The following C12orf42 variants were observed in gnomAD, a reference collection of about 807,000 sequenced individuals.
C12orf42 encodes uncharacterized protein C12orf42.
Under a neutral mutation model 21.6 loss-of-function variants are expected in C12orf42, and 25 were observed. That is an observed-to-expected ratio of 1.16 (90% CI 0.84 to 1.62). The LOEUF is 1.62. Among genes scored for constraint, C12orf42 ranks in the 40% most tolerant of loss-of-function variants. The pLI, the probability that C12orf42 is intolerant of heterozygous loss-of-function variation, is 0.00. For missense variants in C12orf42, 483 were observed against 459.3 expected, an observed-to-expected ratio of 1.05 and a Z score of -0.47; for synonymous variants, 174 against 175.0, an observed-to-expected ratio of 0.99 and a Z score of 0.05.
chr12:103,441,088 C>A (rs1951209148), intron 2 of C12orf42, among the ~76,000 whole-genome samples: 1 of 152,120 alleles, frequency 6.6e-6, no homozygotes, highest in Non-Finnish European at 1.5e-5. Context: ...TTGATAAGCA[C>A]CAACTTTACT....
chr12:103,457,859 A>G (rs1952417045), intron 2 of C12orf42, among the ~76,000 whole-genome samples: 1 of 152,162 alleles, frequency 6.6e-6, no homozygotes, highest in Non-Finnish European at 1.5e-5. Context: ...TAAAATTAAA[A>G]ACTTCACATT....
At chr12:103,311,197 C>CGTGT (rs143631316) in intron 4 of C12orf42, among the ~76,000 whole-genome samples, 10 of 150,746 alleles carry the variant, frequency 6.6e-5, no homozygotes, top group Non-Finnish European at 1.3e-4. Flanking sequence ...TATGCATGTG[C>CGTGT]GTGTGTGTGT....
At chr12:103,129,379 G>A in the C12orf42 span, among the ~76,000 whole-genome samples, 17 of 152,146 alleles carry the variant, frequency 1.1e-4, no homozygotes, top group Non-Finnish European at 1.9e-4. Flanking sequence ...CTTGCCCAGA[G>A]CTGAGTTAGG....
downstream of C12orf42, among the ~76,000 whole-genome samples, chr12:103,297,756 A>G (rs1345897121): frequency 1.3e-5 from 2 of 151,204 alleles, no homozygotes; most frequent in African/African-American, 4.9e-5. Context: ...CTTATCCACC[A>G]AGATCAAGCG....
the C12orf42 span, among the ~76,000 whole-genome samples, chr12:103,080,545 C>T: frequency 3.3e-5 from 5 of 152,264 alleles, no homozygotes; most frequent in African/African-American, 1.2e-4. Context: ...TATCCAGCAC[C>T]TGACTAAATG....
At chr12:103,412,705 C>T (rs577256000) in intron 2 of C12orf42, among the ~76,000 whole-genome samples, 315 of 152,278 alleles carry the variant, frequency 2.1e-3, no homozygotes, top group Middle Eastern at 6.8e-3. Context: ...ATTTGCATTT[C>T]TCTGATGATT....
the C12orf42 span, among the ~76,000 whole-genome samples, chr12:103,147,100 A>C: frequency 1.3e-5 from 2 of 152,200 alleles, no homozygotes; most frequent in Non-Finnish European, 2.9e-5. Context: ...AGATACATTC[A>C]CGTATAGAAG....
At position 103,371,471 on chromosome 12, in the gene C12orf42, TTTTTTGCTGCTAGCA is replaced by T. The variant is rs141051901; in HGVS notation, c.148-2488_148-2474del. On this transcript the variant is annotated intron_variant, in intron 3 of 5. Coordinates refer to ENST00000548883, the MANE Select transcript of C12orf42 (RefSeq NM_198521.5). ...GTCAGAAACCCCTTCTTTATAAGAC[TTTTTTGCTGCTAGCA>T]TTTTCTTTCTTTATATTTGCTTGAT... Among the ~76,000 whole-genome samples the T allele has an allele frequency of 0.013, 1,968 of 152,248 alleles. 128 individuals are homozygous for T. The East Asian group carries it at 0.22, about 17-fold the overall frequency.
chr12:103,476,463 G>T (rs1954059352), intron 2 of C12orf42, among the ~76,000 whole-genome samples: 1 of 152,180 alleles, frequency 6.6e-6, no homozygotes, highest in Non-Finnish European at 1.5e-5. Flanking sequence ...GCTTGATATG[G>T]ATTACGTGTT....
the C12orf42 span, among the ~76,000 whole-genome samples, chr12:103,560,775 G>C: frequency 6.6e-6 from 1 of 152,156 alleles, no homozygotes; most frequent in South Asian, 2.1e-4. Flanking sequence ...CATCTTTATG[G>C]GGGTGAAAGA....
chr12:103,215,241 C>T, the C12orf42 span, among the ~76,000 whole-genome samples: 8 of 151,998 alleles, frequency 5.3e-5, no homozygotes, highest in South Asian at 1.7e-3. Flanking sequence ...CTAACACTAA[C>T]TCTGACACTG....
At chr12:103,139,820 A>G in the C12orf42 span, among the ~76,000 whole-genome samples, 1 of 152,306 alleles carries the variant, frequency 6.6e-6, no homozygotes, top group South Asian at 2.1e-4. Flanking sequence ...AAACGTAAAC[A>G]TGGGGTTAAA....
At chr12:103,238,397 T>G (rs79792098) in intron 10 of C12orf42, among the ~76,000 whole-genome samples, 14 of 152,278 alleles carry the variant, frequency 9.2e-5, no homozygotes, top group Non-Finnish European at 1.6e-4. Flanking sequence ...GATCAGCAGC[T>G]TTGGCATTGC....
the C12orf42 span, among the ~76,000 whole-genome samples, chr12:103,069,405 A>C: frequency 1.3e-5 from 2 of 152,148 alleles, no homozygotes; most frequent in African/African-American, 4.8e-5. Flanking sequence ...AATATACCTA[A>C]CCTATCAAAC....
intron 3 of C12orf42, among the ~76,000 whole-genome samples, chr12:103,377,547 A>G (rs944951740): frequency 1.3e-5 from 2 of 152,130 alleles, no homozygotes; most frequent in Non-Finnish European, 2.9e-5. Flanking sequence ...CGAGTGTCCC[A>G]CAGGCCACTA....
the C12orf42 span, among the ~76,000 whole-genome samples, chr12:103,216,315 C>G: frequency 6.6e-6 from 1 of 151,824 alleles, no homozygotes; most frequent in Non-Finnish European, 1.5e-5. Context: ...TCTTTTTACA[C>G]TTTAAAATGT....
At chr12:103,414,664 T>C (rs1189831819) in intron 2 of C12orf42, among the ~76,000 whole-genome samples, 1 of 152,180 alleles carries the variant, frequency 6.6e-6, no homozygotes, top group Non-Finnish European at 1.5e-5. Flanking sequence ...CTATTGTAAG[T>C]AGGATTGTGT....
the C12orf42 span, among the ~76,000 whole-genome samples, chr12:103,133,198 C>G: frequency 6.6e-6 from 1 of 152,216 alleles, no homozygotes; most frequent in Non-Finnish European, 1.5e-5. Context: ...TAGGCACAAC[C>G]TAAGGGCCTA....
intron 3 of C12orf42, among the ~76,000 whole-genome samples, chr12:103,391,329 T>C (rs549084159): frequency 3.3e-5 from 5 of 152,220 alleles, no homozygotes; most frequent in Non-Finnish European, 5.9e-5. Context: ...TATGTTTCAC[T>C]TTCTGAGGAA....
Sources: allele counts gnomAD v4.1 joint callset (sites outside exome capture counted in the v4.1 genomes callset), GRCh38; gene constraint gnomAD v4.1.1; transcripts MANE v1.5; gene names NCBI Gene and HGNC (gene_info 2026-07-23, HGNC 2026-07-21).